NEDD4L: variants seen among roughly 807,000 people sequenced by gnomAD.
The protein encoded by NEDD4L is E3 ubiquitin-protein ligase NEDD4-like.
A neutral mutation model predicts 148.9 loss-of-function variants in NEDD4L; 54 were observed. The observed-to-expected ratio is 0.36, with a 90% CI of 0.29 to 0.45. The LOEUF is 0.45. NEDD4L is among the 20% of genes least tolerant of loss of function. NEDD4L has a pLI of 1.00. For missense variants in NEDD4L, 856 were observed against 1,233.8 expected (o/e 0.69, Z 4.59); for synonymous variants, 433 against 440.7 (o/e 0.98, Z 0.22).
chr18:58,080,808 C>G (rs1419983488), intron 1 of NEDD4L, among the ~76,000 whole-genome samples: 4 of 152,152 alleles, frequency 2.6e-5, no homozygotes, highest in Non-Finnish European at 5.9e-5. Flanking sequence ...CCCAGGACAA[C>G]TGTTATTTCC....
intron 2 of NEDD4L, among the ~76,000 whole-genome samples, chr18:58,228,195 AG>A (rs1456750191): frequency 6.6e-6 from 1 of 152,222 alleles, no homozygotes; most frequent in Non-Finnish European, 1.5e-5. Context: ...CAAGTGACCA[AG>A]GCATGGCCCT....
chr18:58,127,580 C>T (rs2145906382), intron 1 of NEDD4L, among the ~76,000 whole-genome samples: 1 of 151,854 alleles, frequency 6.6e-6, no homozygotes, highest in East Asian at 1.9e-4. Flanking sequence ...TGGCTCACAC[C>T]TGTGATCCCA....
intron 30 of NEDD4L, among the ~76,000 whole-genome samples, chr18:58,392,465 A>G (rs1015606310): frequency 5.3e-5 from 8 of 152,122 alleles, no homozygotes; most frequent in Admixed American, 2.6e-4. Context: ...TCTCATGAAC[A>G]TGTGTTTGCG....
chr18:58,078,698 AG>A (rs1163797999), intron 1 of NEDD4L, among the ~76,000 whole-genome samples: 1 of 152,206 alleles, frequency 6.6e-6, no homozygotes, highest in African/African-American at 2.4e-5. Context: ...ACAGAAATAA[AG>A]GGCAGTTCTT....
chr18:58,367,408 C>A (rs1243618919), intron 21 of NEDD4L, among the ~76,000 whole-genome samples: 4 of 152,210 alleles, frequency 2.6e-5, no homozygotes, highest in African/African-American at 4.8e-5. Flanking sequence ...GTACTCACAT[C>A]TTTGGGAATC....
At chr18:58,275,974 T>C (rs2051870247) in intron 5 of NEDD4L, among the ~76,000 whole-genome samples, 1 of 152,180 alleles carries the variant, frequency 6.6e-6, no homozygotes, top group African/African-American at 2.4e-5. Context: ...TTTTTGGTGC[T>C]GTGTGGACTA....
At position 58,320,352 on chromosome 18, in the gene NEDD4L, C is replaced by G. The variant is rs1343711480; in HGVS notation, c.349-2073C>G. On this transcript the variant is annotated intron_variant, in intron 6 of 30. Transcript: ENST00000400345. The stretch of plus-strand genomic sequence containing the variant: ...TTTCCAAGTCAGAGTCCGTCTGTTC[C>G]CTGTACCCCAAGTCTCACAGAATGT... Among the ~76,000 whole-genome samples the G allele has an allele frequency of 1.1e-4, 16 of 152,194 alleles. 1 individual carries two copies. The highest frequency in any genetic ancestry group is 1.0e-3 in the Admixed American group (16 of 15,282).
chr18:58,236,440 T>C (rs2046030706), intron 2 of NEDD4L, among the ~76,000 whole-genome samples: 1 of 152,236 alleles, frequency 6.6e-6, no homozygotes, highest in Admixed American at 6.5e-5. Flanking sequence ...GGTGGGCTGT[T>C]CTGGTGACTC....
At chr18:58,294,181 C>T (rs7232273) in intron 5 of NEDD4L, among the ~76,000 whole-genome samples, 11,684 of 152,188 alleles carry the variant, frequency 0.077, 1,479 homozygotes, top group African/African-American at 0.26. Context: ...TTCTGCTTGC[C>T]GCTTTCTTCC....
At chr18:58,202,786 T>A (rs1355174275) in intron 2 of NEDD4L, among the ~76,000 whole-genome samples, 1 of 152,196 alleles carries the variant, frequency 6.6e-6, no homozygotes, top group Non-Finnish European at 1.5e-5. Context: ...CTCCTTTTGT[T>A]TGACAAGTGC....
chr18:58,349,475 C>T (rs2043590308), intron 16 of NEDD4L, 62 bp from the exon 17 acceptor site: 2 of 1,387,784 alleles, frequency 1.4e-6, no homozygotes, highest in Non-Finnish European at 2.1e-6. Context: ...AAGAAAAGCA[C>T]CCAGTAACTG....
At chr18:58,214,555 T>G (rs1053246170) in intron 2 of NEDD4L, among the ~76,000 whole-genome samples, 3 of 151,682 alleles carry the variant, frequency 2.0e-5, no homozygotes, top group African/African-American at 7.3e-5. Flanking sequence ...CTTAAAAGAC[T>G]TAGAACAGTG....
chr18:58,197,321 A>G (rs888541933), intron 2 of NEDD4L, among the ~76,000 whole-genome samples: 2 of 152,122 alleles, frequency 1.3e-5, no homozygotes, highest in Non-Finnish European at 2.9e-5. Flanking sequence ...TGATGGTTCT[A>G]CCTCATAAGG....
Position 58,341,108 on chromosome 18 carries a change from G to C in NEDD4L, c.1196G>C (p.Gly399Ala). 6.2e-7 allele frequency: 1 copy of C among 1,612,242 alleles called. No homozygotes were observed. The highest frequency in any genetic ancestry group is 8.5e-7 in the Non-Finnish European group (1 of 1,179,262). Residue 399 changes from glycine (G) to alanine (A), a missense_variant, in exon 14 of 31, where the codon GGG becomes GCG. By Grantham distance (60) the Gly-to-Ala change is moderately conservative. This residue lies in a region of NEDD4L where 367 missense variants were observed against 422.7 expected (regional missense o/e 0.87). Coordinates refer to ENST00000400345, the MANE Select transcript of NEDD4L (RefSeq NM_001144967.3). ...TGGGAAGAAAGAAAAGATGCTAAGGGGCGCACATACTATGTCAATCATAAC... is the reference window on the plus strand; with the variant it reads ...TGGGAAGAAAGAAAAGATGCTAAGGCGCGCACATACTATGTCAATCATAAC... ...SGWEERKDAKGRTYYVNHNNR... is the reference protein window; with the variant it reads ...SGWEERKDAKARTYYVNHNNR...
intron 24 of NEDD4L, among the ~76,000 whole-genome samples, chr18:58,381,480 A>G (rs2048324585): frequency 6.6e-6 from 1 of 152,136 alleles, no homozygotes; most frequent in Non-Finnish European, 1.5e-5. Context: ...TGCTGGAAGG[A>G]GTGTATTACA....
At chr18:58,368,941 G>A (rs2046457188) in intron 22 of NEDD4L, among the ~76,000 whole-genome samples, 1 of 152,216 alleles carries the variant, frequency 6.6e-6, no homozygotes, top group Non-Finnish European at 1.5e-5. Flanking sequence ...GTCACCGTAT[G>A]CAAGTGAGAA....
At chr18:58,297,615 C>T (rs945046013) in intron 5 of NEDD4L, among the ~76,000 whole-genome samples, 5 of 152,106 alleles carry the variant, frequency 3.3e-5, no homozygotes, top group African/African-American at 1.2e-4. Context: ...AACTGGCCCA[C>T]AGATTTATTA....
chr18:58,294,088 T>C (rs17064729), intron 5 of NEDD4L, among the ~76,000 whole-genome samples: 3,204 of 152,296 alleles, frequency 0.021, 97 homozygotes, highest in African/African-American at 0.063. Flanking sequence ...ACACCTATTT[T>C]GTCTAATTTT....
intron 5 of NEDD4L, among the ~76,000 whole-genome samples, chr18:58,274,350 C>T (rs909751364): frequency 6.6e-6 from 1 of 152,144 alleles, no homozygotes; most frequent in Non-Finnish European, 1.5e-5. Context: ...AACATTTAGT[C>T]CTGGGAGGTT....
Sources: gnomAD v4.1 joint callset for allele counts (sites outside exome capture counted in the v4.1 genomes callset) on GRCh38, gnomAD v4.1.1 for gene constraint, gnomAD v4.1.1 regional missense constraint, MANE v1.5 for transcripts, NCBI Gene and HGNC (gene_info 2026-07-23, HGNC 2026-07-21) for gene names.